Variants in KANK1 observed in about 807,000 individuals in gnomAD.
KANK1 encodes the protein KN motif and ankyrin repeat domains 1, also known as KN motif and ankyrin repeat domain-containing protein 1.
KANK1 carries 109 observed loss-of-function variants against 106.2 expected under a neutral mutation model. The observed-to-expected ratio is 1.03, with a 90% CI of 0.88 to 1.20. The LOEUF is 1.20. Among genes scored for constraint, KANK1 ranks in the 50% most tolerant of loss-of-function variants. The pLI, the probability that KANK1 is intolerant of heterozygous loss-of-function variation, is 0.00. For synonymous variants in KANK1, 873 were observed against 652.2 expected (o/e 1.34, Z -5.16); for missense variants, 2,399 against 1,710.7 (o/e 1.40, Z -7.10).
At chr9:540,973 C>T (rs1005916948) in intron 1 of KANK1, among the ~76,000 whole-genome samples, 1 of 152,146 alleles carries the variant, frequency 6.6e-6, no homozygotes, top group Non-Finnish European at 1.5e-5. Flanking sequence ...TTTCCTTCTG[C>T]TGACTTTGGG....
chr9:613,733 C>A (rs1320890582), intron 1 of KANK1, among the ~76,000 whole-genome samples: 2 of 152,198 alleles, frequency 1.3e-5, no homozygotes, highest in Admixed American at 1.3e-4. Flanking sequence ...AAACAGGATA[C>A]TTCTTGAACT....
At chr9:560,766 A>G (rs1816199647) in intron 1 of KANK1, among the ~76,000 whole-genome samples, 1 of 135,624 alleles carries the variant, frequency 7.4e-6, no homozygotes, top group African/African-American at 2.6e-5. Flanking sequence ...ACTGGATGTC[A>G]GACATCAGGA....
intron 3 of KANK1, chr9:484,363 T>C (rs946775172): frequency 6.6e-6 from 1 of 152,256 alleles, no homozygotes; most frequent in Non-Finnish European, 1.5e-5. Context: ...TTCTCAGGGA[T>C]GTTGTGAAGA....
chr9:659,553 TG>T (rs1379228764), intron 1 of KANK1, among the ~76,000 whole-genome samples: 1 of 152,112 alleles, frequency 6.6e-6, no homozygotes, highest in East Asian at 1.9e-4. Flanking sequence ...TACCTGAGAC[TG>T]GGTAATTTAT....
At chr9:657,929 C>A (rs920276331) in intron 1 of KANK1, among the ~76,000 whole-genome samples, 1 of 151,964 alleles carries the variant, frequency 6.6e-6, no homozygotes, top group Admixed American at 6.6e-5. Flanking sequence ...ATTGCCCAGG[C>A]TGGAATGCAG....
At chr9:657,971 A>G (rs939230747) in intron 1 of KANK1, among the ~76,000 whole-genome samples, 1 of 152,028 alleles carries the variant, frequency 6.6e-6, no homozygotes, top group Admixed American at 6.6e-5. Flanking sequence ...ATAGCTCACT[A>G]CAGCCTCGAA....
intron 1 of KANK1, among the ~76,000 whole-genome samples, chr9:642,116 C>G (rs887043622): frequency 6.6e-6 from 1 of 152,182 alleles, no homozygotes; most frequent in African/African-American, 2.4e-5. Flanking sequence ...CTCACATGAA[C>G]TGTTGGCTTG....
At chr9:706,673 G>A (rs531158188) in intron 2 of KANK1, 1 of 559,186 alleles carries the variant, frequency 1.8e-6, no homozygotes. Flanking sequence ...AGTGGCAAAG[G>A]CTCAGTTGAA....
At chr9:552,005 A>G (rs780175415) in intron 1 of KANK1, among the ~76,000 whole-genome samples, 2 of 152,154 alleles carry the variant, frequency 1.3e-5, no homozygotes, top group African/African-American at 4.8e-5. Context: ...GCAACGAGCT[A>G]TGATCGCACC....
chr9:672,113 C>T (rs536626245), intron 1 of KANK1, among the ~76,000 whole-genome samples: 14 of 152,206 alleles, frequency 9.2e-5, no homozygotes, highest in Non-Finnish European at 1.9e-4. Context: ...AACAATAGTG[C>T]CCTTACTCTA....
upstream of KANK1, among the ~76,000 whole-genome samples, chr9:502,071 ATTATG>A (rs1315274226): frequency 4.6e-5 from 7 of 152,308 alleles, no homozygotes; most frequent in Admixed American, 1.3e-4. Context: ...CCTTGCAACT[ATTATG>A]TTAAGTGAAA....
At chr9:650,736 C>T (rs1840701002) in intron 1 of KANK1, among the ~76,000 whole-genome samples, 1 of 151,590 alleles carries the variant, frequency 6.6e-6, no homozygotes, top group Non-Finnish European at 1.5e-5. Flanking sequence ...TCCCCGGTCT[C>T]TTTACCAGTC....
intron 1 of KANK1, among the ~76,000 whole-genome samples, chr9:622,218 C>G (rs1245218569): frequency 6.6e-6 from 1 of 152,134 alleles, no homozygotes; most frequent in Non-Finnish European, 1.5e-5. Context: ...CTTTTAGTAT[C>G]CATAAAAGAC....
At chr9:555,184 C>T (rs1329171147) in intron 1 of KANK1, among the ~76,000 whole-genome samples, 1 of 152,150 alleles carries the variant, frequency 6.6e-6, no homozygotes, top group East Asian at 1.9e-4. Context: ...AGTAGCTAAT[C>T]CCTGAGAAAG....
At chr9:602,367 C>G (rs1346502017) in intron 1 of KANK1, among the ~76,000 whole-genome samples, 2 of 151,808 alleles carry the variant, frequency 1.3e-5, no homozygotes, top group African/African-American at 4.9e-5. Context: ...TCAAGCGACT[C>G]TCCTGCCTCA....
intron 1 of KANK1, among the ~76,000 whole-genome samples, chr9:602,536 G>T (rs1828029216): frequency 6.6e-6 from 1 of 151,742 alleles, no homozygotes; most frequent in Non-Finnish European, 1.5e-5. Flanking sequence ...GGGATTATAG[G>T]TGTGAGCTGT....
At chr9:675,922 G>A (rs1816322320) in intron 1 of KANK1, among the ~76,000 whole-genome samples, 1 of 152,136 alleles carries the variant, frequency 6.6e-6, no homozygotes, top group African/African-American at 2.4e-5. Context: ...TGGAAGTGAG[G>A]GGTCCTCCCC....
At chr9:548,607 T>A (rs2061079594) in intron 1 of KANK1, among the ~76,000 whole-genome samples, 1 of 152,298 alleles carries the variant, frequency 6.6e-6, no homozygotes, top group East Asian at 1.9e-4. Context: ...ATAGGAAATT[T>A]TTATAAACAA....
At position 712,995 on chromosome 9, in the gene KANK1, T is replaced by C. The variant is rs370980287; in HGVS notation, c.2229T>C (p.Ser743=). The change falls in exon 3 of 12, where the codon TCT becomes TCC. Residue 743 remains serine, a synonymous_variant. Transcript: ENST00000382297. The part of the protein sequence containing the change: ...TRSIGVGTLL[S]GHSGFDRPSA... ...CCATTGGTGTTGGAACGTTGCTTTC[T>C]GGCCATTCTGGGTTTGACAGGCCAT... is the stretch of plus-strand genomic sequence containing the variant. The C allele has an allele frequency of 8.1e-6, 13 of 1,614,098 alleles. No homozygotes were observed. In the African/African-American group the frequency reaches 1.5e-4, roughly 18 times the overall value.
Sources: gnomAD v4.1 joint callset for allele counts (sites outside exome capture counted in the v4.1 genomes callset) on GRCh38, gnomAD v4.1.1 for gene constraint, MANE v1.5 for transcripts, NCBI Gene and HGNC (gene_info 2026-07-23, HGNC 2026-07-21) for gene names.